The following INPP4B variants were observed in gnomAD, a reference collection of about 807,000 sequenced individuals.
The protein encoded by INPP4B is inositol polyphosphate 4-phosphatase type II.
In INPP4B, 55 loss-of-function variants were observed where a neutral mutation model predicts 122.5. That is an observed-to-expected ratio of 0.45 (90% confidence interval 0.36 to 0.56). INPP4B has a LOEUF of 0.56. INPP4B is among the 20% of genes least tolerant of loss of function. The pLI, the probability that INPP4B is intolerant of heterozygous loss-of-function variation, is 0.00. For missense variants in INPP4B, 1,000 were observed against 1,097.7 expected, an observed-to-expected ratio of 0.91 and a Z score of 1.26; for synonymous variants, 403 against 388.7, an observed-to-expected ratio of 1.04 and a Z score of -0.43.
intron 3 of INPP4B, among the ~76,000 whole-genome samples, chr4:142,447,568 CTA>C (rs1813174483): frequency 6.6e-6 from 1 of 152,134 alleles, no homozygotes; most frequent in African/African-American, 2.4e-5. Context: ...GACAAAGAAA[CTA>C]TGCATCAATG....
At chr4:142,248,042 C>T (rs967842796) in intron 11 of INPP4B, among the ~76,000 whole-genome samples, 2 of 152,040 alleles carry the variant, frequency 1.3e-5, no homozygotes, top group Non-Finnish European at 2.9e-5. Flanking sequence ...CCCCTGCCCT[C>T]CAGGCTCCTG....
intron 17 of INPP4B, among the ~76,000 whole-genome samples, chr4:142,149,455 A>T (rs1364829417): frequency 6.6e-6 from 1 of 152,218 alleles, no homozygotes; most frequent in African/African-American, 2.4e-5. Context: ...GTATAAATGG[A>T]CTAGAACTTC....
chr4:142,733,626 A>G (rs1292654829), intron 1 of INPP4B, among the ~76,000 whole-genome samples: 1 of 152,174 alleles, frequency 6.6e-6, no homozygotes, highest in Non-Finnish European at 1.5e-5. Context: ...AGATAATAGC[A>G]AGAGTTAGCA....
intron 3 of INPP4B, among the ~76,000 whole-genome samples, chr4:142,437,186 A>C (rs970361551): frequency 6.6e-6 from 1 of 152,078 alleles, no homozygotes; most frequent in Non-Finnish European, 1.5e-5. Flanking sequence ...TCTTGCTGAA[A>C]TAAGGTAGGC....
chr4:142,361,371 T>C (rs1785336914), intron 7 of INPP4B, among the ~76,000 whole-genome samples: 1 of 151,970 alleles, frequency 6.6e-6, no homozygotes, highest in Admixed American at 6.6e-5. Context: ...GGGCCTGGAA[T>C]AGTACTGGTA....
intron 18 of INPP4B, among the ~76,000 whole-genome samples, chr4:142,145,370 C>CA (rs1810140237): frequency 6.6e-6 from 1 of 151,996 alleles, no homozygotes; most frequent in Admixed American, 6.6e-5. Flanking sequence ...CAAATCTTCC[C>CA]ATATGTTTTG....
intron 23 of INPP4B, among the ~76,000 whole-genome samples, chr4:142,100,906 T>C (rs919560683): frequency 1.3e-5 from 2 of 152,090 alleles, no homozygotes; most frequent in African/African-American, 4.8e-5. Context: ...TTTATATAAA[T>C]GTGAACTGTT....
At chr4:142,527,137 A>G (rs1415004013) in intron 2 of INPP4B, among the ~76,000 whole-genome samples, 6 of 151,970 alleles carry the variant, frequency 3.9e-5, no homozygotes, top group Non-Finnish European at 8.8e-5. Context: ...AACAGCTAGC[A>G]ATGATTTTAT....
intron 9 of INPP4B, among the ~76,000 whole-genome samples, chr4:142,290,983 A>ATGT (rs1756238135): frequency 6.6e-6 from 1 of 152,118 alleles, no homozygotes; most frequent in Non-Finnish European, 1.5e-5. Context: ...ATTATTTTTA[A>ATGT]ATCTCAAATC....
intron 2 of INPP4B, among the ~76,000 whole-genome samples, chr4:142,491,156 G>T (rs1174587218): frequency 6.6e-6 from 1 of 151,976 alleles, no homozygotes; most frequent in East Asian, 1.9e-4. Flanking sequence ...CTCTACAATG[G>T]CTGTGTTATA....
At chr4:142,597,915 T>TA (rs1173990463) in intron 2 of INPP4B, among the ~76,000 whole-genome samples, 2 of 152,046 alleles carry the variant, frequency 1.3e-5, no homozygotes, top group Admixed American at 6.5e-5. Context: ...TATTCTAGTA[T>TA]AAAAAACAAA....
At chr4:142,107,806 A>G (rs1161624794) in intron 23 of INPP4B, among the ~76,000 whole-genome samples, 1 of 152,160 alleles carries the variant, frequency 6.6e-6, no homozygotes, top group African/African-American at 2.4e-5. Context: ...ACTAATTAAA[A>G]TGTCTAATTA....
At chr4:142,814,229 A>G (rs1191993627) in intron 1 of INPP4B, among the ~76,000 whole-genome samples, 1 of 152,208 alleles carries the variant, frequency 6.6e-6, no homozygotes, top group Non-Finnish European at 1.5e-5. Context: ...TAAGTACAAT[A>G]TCTTCAAGCA....
At chr4:142,309,502 T>C (rs1764642029) in intron 8 of INPP4B, among the ~76,000 whole-genome samples, 1 of 151,790 alleles carries the variant, frequency 6.6e-6, no homozygotes, top group African/African-American at 2.4e-5. Flanking sequence ...AAGGCCCTGA[T>C]AGTCTGTAGA....
intron 1 of INPP4B, among the ~76,000 whole-genome samples, chr4:142,730,400 T>A (rs185602346): frequency 2.0e-5 from 3 of 152,312 alleles, no homozygotes; most frequent in Admixed American, 2.0e-4. Flanking sequence ...TCCTATACAT[T>A]CCATGAATTT....
intron 25 of INPP4B, among the ~76,000 whole-genome samples, chr4:142,058,534 C>T (rs948966873): frequency 1.2e-4 from 19 of 152,106 alleles, no homozygotes; most frequent in South Asian, 6.2e-4. Context: ...AGAGACCACA[C>T]GCTCTCCAGT....
chr4:142,705,210 C>A (rs192318686), intron 2 of INPP4B, among the ~76,000 whole-genome samples: 1 of 152,092 alleles, frequency 6.6e-6, no homozygotes, highest in Non-Finnish European at 1.5e-5. Flanking sequence ...AGATGGGAAC[C>A]TTGATGTTCA....
intron 23 of INPP4B, among the ~76,000 whole-genome samples, chr4:142,097,142 C>T (rs754470836): frequency 6.6e-6 from 1 of 151,794 alleles, no homozygotes; most frequent in Non-Finnish European, 1.5e-5. Context: ...TGCAGGCTAA[C>T]CCCAGGTCAT....
At chr4:142,196,475 T>C (rs1160972379) in intron 14 of INPP4B, among the ~76,000 whole-genome samples, 1 of 152,084 alleles carries the variant, frequency 6.6e-6, no homozygotes, top group African/African-American at 2.4e-5. Flanking sequence ...CCTCCAAGAG[T>C]AGAGTCCTCA....
Sources: allele counts gnomAD v4.1 joint callset (sites outside exome capture counted in the v4.1 genomes callset), GRCh38; gene constraint gnomAD v4.1.1; transcripts MANE v1.5; gene names NCBI Gene and HGNC (gene_info 2026-07-23, HGNC 2026-07-21).